Variants in MCTP1 observed in about 807,000 individuals in gnomAD.
The protein encoded by MCTP1 is multiple C2 and transmembrane domain-containing protein 1.
MCTP1 carries 69 observed loss-of-function variants against 120.6 expected under a neutral mutation model. The ratio of observed to expected loss-of-function variants is 0.57; its 90% CI spans 0.47 to 0.70. The LOEUF is 0.70. Among genes scored for constraint, MCTP1 ranks in the 30% least tolerant of loss-of-function variants. The pLI is 0.00. For missense variants in MCTP1, 1,203 were observed against 1,248.8 expected (o/e 0.96, Z 0.55); for synonymous variants, 529 against 493.1 (o/e 1.07, Z -0.96).
intron 2 of MCTP1, among the ~76,000 whole-genome samples, chr5:95,015,908 C>A (rs1837017588): frequency 6.6e-6 from 1 of 151,976 alleles, no homozygotes; most frequent in Non-Finnish European, 1.5e-5. Context: ...TCTTCTGTTG[C>A]CAAGTCCAAT....
intron 1 of MCTP1, among the ~76,000 whole-genome samples, chr5:95,165,000 A>G (rs1340945117): frequency 6.6e-6 from 1 of 152,202 alleles, no homozygotes; most frequent in Non-Finnish European, 1.5e-5. Flanking sequence ...GGAATAAGGC[A>G]CACCCACTTC....
intron 19 of MCTP1, among the ~76,000 whole-genome samples, chr5:94,730,935 C>A (rs1032938066): frequency 7.4e-6 from 1 of 135,862 alleles, no homozygotes; most frequent in African/African-American, 3.0e-5. Context: ...CACACACACA[C>A]TCCACACACA....
chr5:94,867,510 T>A (rs1264358254), intron 17 of MCTP1: 2 of 593,350 alleles, frequency 3.4e-6, no homozygotes, highest in Non-Finnish European at 6.1e-6. Context: ...AAAGTCGTAT[T>A]CTGCTAAACT....
Position 95,248,005 on chromosome 5 carries a change from T to A in MCTP1, c.720+35851A>T, listed in dbSNP as rs113818029. On this transcript the variant is annotated intron_variant, in intron 1 of 22. Coordinates refer to ENST00000515393, the MANE Select transcript of MCTP1 (RefSeq NM_024717.7). The stretch of plus-strand genomic sequence containing the variant: ...AGCTAAAAACTCTCAATAAACTAGG[T>A]TTTGATGGAACATATCTCAAAATAA... Among the ~76,000 whole-genome samples the A allele has an allele frequency of 7.2e-3, 1,094 of 152,164 alleles. 8 individuals are homozygous for A. The highest frequency in any genetic ancestry group is 0.025 in the African/African-American group (1,038 of 41,506).
chr5:95,006,827 C>T (rs1321924142), intron 2 of MCTP1, among the ~76,000 whole-genome samples: 2 of 152,130 alleles, frequency 1.3e-5, no homozygotes, highest in Non-Finnish European at 2.9e-5. Context: ...TAGGAAGCAT[C>T]AGTATATTCC....
At chr5:95,113,270 C>A (rs1378856478) in intron 1 of MCTP1, among the ~76,000 whole-genome samples, 1 of 151,950 alleles carries the variant, frequency 6.6e-6, no homozygotes, top group Non-Finnish European at 1.5e-5. Context: ...GGAAGAACAC[C>A]AAGATAACAA....
chr5:94,812,986 C>T (rs1034582872), intron 17 of MCTP1, among the ~76,000 whole-genome samples: 2 of 151,682 alleles, frequency 1.3e-5, no homozygotes, highest in African/African-American at 2.4e-5. Context: ...AATTTGGCCT[C>T]ATTAAAGTTA....
At chr5:95,000,228 C>T (rs1484938996) in intron 2 of MCTP1, among the ~76,000 whole-genome samples, 3 of 152,120 alleles carry the variant, frequency 2.0e-5, no homozygotes, top group African/African-American at 7.2e-5. Context: ...AAAAGACTAG[C>T]ACATACAGTT....
intron 2 of MCTP1, among the ~76,000 whole-genome samples, chr5:94,958,068 C>G (rs2153549159): frequency 6.6e-6 from 1 of 152,320 alleles, no homozygotes; most frequent in South Asian, 2.1e-4. Flanking sequence ...AACAAACAGT[C>G]TCTCAGACCA....
chr5:95,031,567 T>G (rs1325296551), intron 1 of MCTP1, among the ~76,000 whole-genome samples: 1 of 152,144 alleles, frequency 6.6e-6, no homozygotes. Flanking sequence ...AGAAATAAAG[T>G]CTTTTCCAGA....
intron 6 of MCTP1, chr5:94,930,772 T>C (rs1219415270): frequency 6.6e-6 from 1 of 152,152 alleles, no homozygotes; most frequent in African/African-American, 2.4e-5. Flanking sequence ...ACACTTTTAA[T>C]ATAACAATAA....
chr5:94,875,448 C>A (rs1405702264), intron 12 of MCTP1, among the ~76,000 whole-genome samples: 6 of 151,844 alleles, frequency 4.0e-5, no homozygotes, highest in Non-Finnish European at 8.8e-5. Flanking sequence ...TGGCAGGTCT[C>A]TGAAAAAACT....
rs1199586352 is a variant in MCTP1, at chr5:94,708,545, G to A, written c.2895C>T (p.Asp965=). The change falls in exon 22 of 23, where the codon GAC becomes GAT. Residue 965 remains aspartate (D), a synonymous_variant. Transcript: ENST00000515393. ...CATCTGAAGGGACTCTGGAAAGGAAGTCAAGTAGTTCATTGTTATCAATTG... is the reference window on the plus strand; with the variant it reads ...CATCTGAAGGGACTCTGGAAAGGAAATCAAGTAGTTCATTGTTATCAATTG... The part of the protein sequence containing the change: ...PYAIDNNELL[D]FLSRVPSDVQ... 1 of 1,610,538 alleles carries A rather than the reference G, an allele frequency of 6.2e-7. No homozygotes were observed. Among genetic ancestry groups the A allele is most frequent in the Non-Finnish European group, 8.5e-7 (1 of 1,177,354 alleles).
intron 2 of MCTP1, among the ~76,000 whole-genome samples, chr5:95,011,305 C>T (rs1414911449): frequency 3.3e-5 from 5 of 152,098 alleles, no homozygotes; most frequent in African/African-American, 9.7e-5. Flanking sequence ...CTCCCTTCCA[C>T]GTTTTTTTAT....
intron 1 of MCTP1, among the ~76,000 whole-genome samples, chr5:95,105,949 T>A (rs1202973989): frequency 6.6e-6 from 1 of 152,190 alleles, no homozygotes; most frequent in Non-Finnish European, 1.5e-5. Context: ...AGACTTTACC[T>A]ATTACTGAGT....
intron 5 of MCTP1, among the ~76,000 whole-genome samples, chr5:94,935,739 T>C (rs1042608855): frequency 6.6e-6 from 1 of 152,108 alleles, no homozygotes; most frequent in African/African-American, 2.4e-5. Flanking sequence ...AATTTTGCTC[T>C]GTGAGGGTCA....
Position 94,737,738 on chromosome 5 carries a change from C to T in MCTP1, c.2611-22852G>A, listed in dbSNP as rs551784162. ...TAGCTCAAGCTGGAGTCCCGTGGTG[C>T]GATCTTGGCTCACTGCAACCTTTGC... is the stretch of plus-strand genomic sequence containing the variant. On this transcript the variant is annotated intron_variant, in intron 19 of 22. Coordinates refer to ENST00000515393, the MANE Select transcript of MCTP1 (RefSeq NM_024717.7). Among the ~76,000 whole-genome samples the T allele has an allele frequency of 2.9e-4, 44 of 152,292 alleles. No individual in the cohort carries two copies. The South Asian group carries it at 8.7e-3, about 30-fold the overall frequency.
chr5:94,715,565 A>T (rs1254787333), intron 19 of MCTP1, among the ~76,000 whole-genome samples: 3 of 152,132 alleles, frequency 2.0e-5, no homozygotes, highest in Non-Finnish European at 4.4e-5. Flanking sequence ...TCATTTTAAA[A>T]CATACTGAAT....
chr5:95,166,240 T>C (rs953888187), intron 1 of MCTP1: 2 of 152,192 alleles, frequency 1.3e-5, no homozygotes, highest in Non-Finnish European at 2.9e-5. Context: ...TGTTTCCTTT[T>C]CTCTATACCA....
Sources: allele counts gnomAD v4.1 joint callset (sites outside exome capture counted in the v4.1 genomes callset), GRCh38; gene constraint gnomAD v4.1.1; transcripts MANE v1.5; gene names NCBI Gene and HGNC (gene_info 2026-07-23, HGNC 2026-07-21).